POLG: variants seen among roughly 807,000 people sequenced by gnomAD.
POLG encodes the protein DNA polymerase gamma, catalytic subunit, also known as DNA polymerase subunit gamma-1.
A neutral mutation model predicts 155.4 loss-of-function variants in POLG; 110 were observed. The ratio of observed to expected loss-of-function variants is 0.71; its 90% CI spans 0.61 to 0.83. The LOEUF is 0.83. POLG is among the 40% of genes least tolerant of loss of function. The probability of loss-of-function intolerance (pLI) is 0.00; values close to 1 mark genes in which losing one functional copy is unlikely to be tolerated. For synonymous variants in POLG, 701 were observed against 631.5 expected (o/e 1.11, Z -1.65); for missense variants, 1,685 against 1,627.5 (o/e 1.04, Z -0.61).
At chr15:89,319,781 G>A (rs932618424) in intron 18 of POLG, among the ~76,000 whole-genome samples, 2 of 152,334 alleles carry the variant, frequency 1.3e-5, no homozygotes, top group South Asian at 2.1e-4. Context: ...GGGGGCATTT[G>A]TTGAAGCAGA....
At chr15:89,328,371 T>C (rs2055550174) in intron 6 of POLG, 85 bp downstream of exon 6, 2 of 1,064,600 alleles carry the variant, frequency 1.9e-6, no homozygotes, top group South Asian at 2.6e-5. Context: ...CAACCTGAGA[T>C]AGAACCAGCG....
At position 89,321,132 on chromosome 15, in the gene POLG, G is replaced by A. The variant is rs752611524; in HGVS notation, c.2727C>T (p.Gly909=). The change falls in exon 17 of 23, where the codon GGC becomes GGT. Residue 909 remains glycine (G), a synonymous_variant. Coordinates refer to ENST00000268124, the MANE Select transcript of POLG (RefSeq NM_002693.3). ...AAVLGDAHFA[G]MHGCTAFGWM... is the part of the protein sequence containing the mutation. Reference sequence around the variant, plus strand: ...ACCCCGGCTCCTGCTCACCATGCATGCCGGCAAAGTGGGCGTCTCCAAGCA... The same window carrying A: ...ACCCCGGCTCCTGCTCACCATGCATACCGGCAAAGTGGGCGTCTCCAAGCA... The A allele has an allele frequency of 2.5e-6, 4 of 1,614,114 alleles. No homozygotes were observed. The African/African-American group carries it at 5.3e-5, about 22-fold the overall frequency.
At chr15:89,321,690 A>C (rs765427147) in intron 16 of POLG, 46 bp downstream of exon 16, 6 of 1,388,132 alleles carry the variant, frequency 4.3e-6, no homozygotes, top group Non-Finnish European at 1.0e-6. Flanking sequence ...GTTTCTACAG[A>C]CCTGGGAGAG....
chr15:89,318,845 C>T (rs2055348685), intron 20 of POLG, 86 bp downstream of exon 20: 1 of 1,573,376 alleles, frequency 6.4e-7, no homozygotes, highest in Non-Finnish European at 8.7e-7. Flanking sequence ...TCTGGCCCTA[C>T]CTACAAACAT....
chr15:89,321,996 G>C lies in POLG; in HGVS notation c.2446C>G (p.Leu816Val), dbSNP rs748262645. Reference protein sequence around the residue: ...KRISSQMVVWLPRSALPRAVI... With the variant: ...KRISSQMVVWVPRSALPRAVI... ...GCACGGGGCAGAGCTGACCTGGGCA[G>C]CCACACCACCATCTGGGAGCTGTGG... Residue 816 changes from leucine (L) to valine (V), a missense_variant, in exon 15 of 23, where the codon CTG (leucine) becomes GTG (valine). This residue lies in a region of POLG where 1,210 missense variants were observed against 1,167.1 expected (regional missense o/e 1.04). Transcript: ENST00000268124. 38 of 1,614,184 alleles carry C rather than the reference G, an allele frequency of 2.4e-5. No individual in the cohort carries two copies. The highest frequency in any genetic ancestry group is 3.3e-4 in the Middle Eastern group (2 of 6,062).
At chr15:89,323,190 G>A (rs947948899) in intron 13 of POLG, among the ~76,000 whole-genome samples, 2 of 152,208 alleles carry the variant, frequency 1.3e-5, no homozygotes, top group Non-Finnish European at 2.9e-5. Context: ...CGTGCCCCAT[G>A]TCATTTAATT....
rs1174014483 is a variant in POLG, at chr15:89,325,674, C to T, written c.1725G>A (p.Lys575=). ...HLPGHPGWYR[K]LCPRLDDPAW... ...CAGGGTCGTCTAGCCGGGGGCAGAG[C>T]TTCCGGTACCATCTACGTCCCAGCA... The change falls in exon 10 of 23, where the codon AAG becomes AAA. Residue 575 remains lysine (K), a synonymous_variant. Transcript: ENST00000268124. 1.2e-6 allele frequency: 2 copies of T among 1,607,352 alleles called. No homozygotes were observed. Among genetic ancestry groups the T allele is most frequent in the Non-Finnish European group, 1.7e-6 (2 of 1,179,390 alleles).
chr15:89,326,762 C>T (rs1596357937), intron 8 of POLG, 24 bp from the exon 9 acceptor site: 1 of 1,614,058 alleles, frequency 6.2e-7, no homozygotes. Context: ...GGAAGACAAT[C>T]AGGAGCAGGA....
In POLG at chr15:89,333,851, G is replaced by A. The variant is rs1249982723; in HGVS notation, c.-97C>T. On this transcript the variant is annotated 5_prime_UTR_variant, in exon 2 of 23. The change creates a new upstream start codon in the 5' untranslated region. Transcript: ENST00000268124. ...GGCTGGAAGACGTGGAGAGAGACAC[G>A]TCCTGTCTCTGCTCTCCTGTCAGTG... is the stretch of plus-strand genomic sequence containing the variant. The A allele has an allele frequency of 1.4e-6, 2 of 1,396,432 alleles. No individual in the cohort carries two copies. The highest frequency in any genetic ancestry group is 1.4e-5 in the African/African-American group (1 of 70,374). The allele number at this position is 1,396,432 out of a possible 1,614,324, so 86.5% of individuals were successfully genotyped here.
chr15:89,318,191 C>T (rs1379281268), intron 21 of POLG, among the ~76,000 whole-genome samples: 2 of 152,012 alleles, frequency 1.3e-5, no homozygotes, highest in African/African-American at 2.4e-5. Flanking sequence ...GAAAGAAAAA[C>T]AAACATCTCA....
rs376496231 is a variant in POLG at position 89,325,282 on chromosome 15, GAA to G, written c.1949+166_1949+167del. On this transcript the variant is annotated intron_variant, in intron 10 of 22. Coordinates refer to ENST00000268124, the MANE Select transcript of POLG (RefSeq NM_002693.3). Reference sequence around the variant, plus strand: ...AGTGAGTGAGTGAGTGAGAGAGAGAGAAAGAGAGAGAGAGAGGGTGTGTGTGT... The same window carrying G: ...AGTGAGTGAGTGAGTGAGAGAGAGAGAGAGAGAGAGAGAGGGTGTGTGTGT... Among the ~76,000 whole-genome samples, 27 of 92,288 alleles carry G rather than the reference GAA, an allele frequency of 2.9e-4. 5 individuals carry two copies. The highest frequency in any genetic ancestry group is 1.6e-3 in the African/African-American group (18 of 10,954). 60.5% of individuals were successfully genotyped at this position (92,288 alleles called of 152,430 possible).
intron 12 of POLG, 109 bp from the exon 13 acceptor site, chr15:89,323,620 A>T: frequency 1.2e-6 from 1 of 835,642 alleles, no homozygotes; most frequent in Non-Finnish European, 2.1e-6. Context: ...ATCAGCTGGG[A>T]AATGACAAGA....
Position 89,333,842 on chromosome 15 carries a change from G to A in POLG, c.-88C>T. 7.0e-7 allele frequency: 1 copy of A among 1,436,746 alleles called. No homozygotes were observed. Among genetic ancestry groups the A allele is most frequent in the Non-Finnish European group, 9.5e-7 (1 of 1,057,794 alleles). The allele number at this position is 1,436,746 out of a possible 1,614,324, so 89.0% of individuals were successfully genotyped here. ...TCTTTTACTGGCTGGAAGACGTGGA[G>A]AGAGACACGTCCTGTCTCTGCTCTC... On this transcript the variant is annotated 5_prime_UTR_variant, in exon 2 of 23. Coordinates refer to ENST00000268124, the MANE Select transcript of POLG (RefSeq NM_002693.3).
At position 89,326,929 on chromosome 15, in the gene POLG, T is replaced by C; in HGVS notation, c.1568A>G (p.Asp523Gly). 1 of 1,614,122 alleles carries C rather than the reference T, an allele frequency of 6.2e-7. No homozygotes were observed. The highest frequency in any genetic ancestry group is 8.5e-7 in the Non-Finnish European group (1 of 1,180,008). Residue 523 changes from aspartate to glycine, a missense_variant, in exon 8 of 23, where the codon GAT (aspartate) becomes GGT (glycine). By Grantham distance (94) the Asp-to-Gly change is moderately conservative. Transcript: ENST00000268124. ...LPIEGAGAPGDPMDQEDLGPC... is the reference protein window; with the variant it reads ...LPIEGAGAPGGPMDQEDLGPC... ...CTCCCCACCTTCCTGATCCATGGGA[T>C]CACCAGGGGCCCCAGCCCCCTCGAT...
rs769461144 is a variant in POLG, at chr15:89,328,989, G to A, written c.977C>T (p.Thr326Ile). 3.7e-6 allele frequency: 6 copies of A among 1,613,764 alleles called. No homozygotes were observed. The highest frequency in any genetic ancestry group is 5.1e-6 in the Non-Finnish European group (6 of 1,180,040). Residue 326 changes from threonine to isoleucine, a missense_variant, in exon 4 of 23, where the codon ACA (threonine) becomes ATA (isoleucine). Physicochemically the swap from Thr to Ile is moderately conservative, Grantham distance 89. This residue lies in a region of POLG where 1,210 missense variants were observed against 1,167.1 expected (regional missense o/e 1.04). Transcript: ENST00000268124. ...KQGKHKVQPP[T>I]KQGQKSQRKA... ...CCTCTGGGACTTCTGGCCTTGCTTT[G>A]TGGGGGGCTGGACCTTGTGTTTGCC...
Position 89,333,174 on chromosome 15 carries a change from G to A in POLG, c.581C>T (p.Ala194Val), listed in dbSNP as rs779122022. The change falls in exon 2 of 23, where the codon GCC (alanine) becomes GTC (valine). Residue 194 changes from alanine (A) to valine (V), a missense_variant. Around this residue, in one of 3 missense-constraint regions of POLG, gnomAD observed 1,210 missense variants for 1,167.1 expected, o/e 1.04. Coordinates refer to ENST00000268124, the MANE Select transcript of POLG (RefSeq NM_002693.3). ...AVPVAIPEER[A>V]LVFDVEVCLA... ...GCAGACCTCCACGTCGAACACCAGG[G>A]CCCGCTCCTCGGGGATGGCCACGGG... 8 of 1,564,300 alleles carry A rather than the reference G, an allele frequency of 5.1e-6. No homozygotes were observed. The Admixed American group carries it at 5.6e-5, about 11-fold the overall frequency.
Position 89,333,839 on chromosome 15 carries a change from GGA to G in POLG, c.-87_-86del. On this transcript the variant is annotated 5_prime_UTR_variant, in exon 2 of 23. An upstream open reading frame in the 5' UTR loses its in-frame stop. Coordinates refer to ENST00000268124, the MANE Select transcript of POLG (RefSeq NM_002693.3). ...GCTTCTTTTACTGGCTGGAAGACGT[GGA>G]GAGAGACACGTCCTGTCTCTGCTCT... The G allele has an allele frequency of 1.4e-6, 2 of 1,471,852 alleles. No individual in the cohort carries two copies. Among genetic ancestry groups the G allele is most frequent in the Non-Finnish European group, 1.8e-6 (2 of 1,089,808 alleles). The allele number at this position is 1,471,852 out of a possible 1,614,324, so 91.2% of individuals were successfully genotyped here.
In POLG at chr15:89,323,502, C is replaced by A. The variant is rs762070650; in HGVS notation, c.2167G>T (p.Gly723Cys). ...CTGGGCTGGGTGTCCTTGGGGCCAC[C>A]ACGGGCAGTCTGTGAGGGCCACACA... ...PGQPLALTARGGPKDTQPSYH... is the reference protein window; with the variant it reads ...PGQPLALTARCGPKDTQPSYH... The change falls in exon 13 of 23, where the codon GGT (glycine) becomes TGT (cysteine). Residue 723 changes from glycine to cysteine, a missense_variant. By Grantham distance (159) the Gly-to-Cys change is radical (BLOSUM62 -3). Transcript: ENST00000268124. 4.3e-6 allele frequency: 7 copies of A among 1,610,460 alleles called. No individual in the cohort carries two copies. Among genetic ancestry groups the A allele is most frequent in the Non-Finnish European group, 3.4e-6 (4 of 1,176,802 alleles).
chr15:89,332,613 C>G (rs867216211), intron 2 of POLG, among the ~76,000 whole-genome samples: 110 of 60,388 alleles, frequency 1.8e-3, no homozygotes, highest in South Asian at 3.0e-3. Flanking sequence ...GGCAGGGGGG[C>G]GGGGGGGTGT....
Sources: gnomAD v4.1 joint callset for allele counts (sites outside exome capture counted in the v4.1 genomes callset) on GRCh38, gnomAD v4.1.1 for gene constraint, gnomAD v4.1.1 regional missense constraint, MANE v1.5 for transcripts, NCBI Gene and HGNC (gene_info 2026-07-23, HGNC 2026-07-21) for gene names.